The following USP54 variants were observed in gnomAD, a reference collection of about 807,000 sequenced individuals.
USP54 encodes the protein ubiquitin specific peptidase 54.
In USP54, 87 loss-of-function variants were observed where a neutral mutation model predicts 170.5. That is an observed-to-expected ratio of 0.51 (90% confidence interval 0.43 to 0.61). USP54 has a LOEUF of 0.61. Ranked by LOEUF, USP54 falls within the 20% of genes least tolerant of loss-of-function variation. The probability of loss-of-function intolerance (pLI) is 0.00; values close to 1 mark genes in which losing one functional copy is unlikely to be tolerated. For synonymous variants in USP54, 655 were observed against 742.8 expected, an observed-to-expected ratio of 0.88 and a Z score of 1.92; for missense variants, 1,786 against 2,047.8, an observed-to-expected ratio of 0.87 and a Z score of 2.47.
At chr10:73,611,060 A>G (rs2080101100) in intron 1 of USP54, among the ~76,000 whole-genome samples, 1 of 152,224 alleles carries the variant, frequency 6.6e-6, no homozygotes, top group African/African-American at 2.4e-5. Flanking sequence ...GAAAAGCAAC[A>G]GTGAGTTTTT....
chr10:73,601,131 A>G (rs1298308164), intron 1 of USP54, among the ~76,000 whole-genome samples: 1 of 152,216 alleles, frequency 6.6e-6, no homozygotes, highest in Non-Finnish European at 1.5e-5. Flanking sequence ...GTTTGGGTAA[A>G]TTAAAACAAA....
At chr10:73,617,954 T>C (rs1357188218) in intron 1 of USP54, among the ~76,000 whole-genome samples, 1 of 150,222 alleles carries the variant, frequency 6.7e-6, no homozygotes, top group Non-Finnish European at 1.5e-5. Flanking sequence ...TTCACACCTG[T>C]AATCTCAGCA....
upstream of USP54, among the ~76,000 whole-genome samples, chr10:73,592,413 A>T (rs1321552548): frequency 6.6e-6 from 1 of 151,128 alleles, no homozygotes. Context: ...AAGCTCTTAC[A>T]TTTTAACAAT....
intron 1 of USP54, among the ~76,000 whole-genome samples, chr10:73,581,620 C>A (rs1399426811): frequency 6.6e-6 from 1 of 152,178 alleles, no homozygotes; most frequent in East Asian, 1.9e-4. Context: ...GCCCCATCCA[C>A]ATTACATAAA....
At chr10:73,508,473 T>C (rs1360038123) in intron 20 of USP54, among the ~76,000 whole-genome samples, 3 of 151,358 alleles carry the variant, frequency 2.0e-5, no homozygotes, top group Middle Eastern at 3.2e-3. Flanking sequence ...CTAGATTCAA[T>C]AGAAGAAAGG....
intron 4 of USP54, among the ~76,000 whole-genome samples, chr10:73,546,337 GT>G (rs1362432298): frequency 6.6e-6 from 1 of 151,914 alleles, no homozygotes; most frequent in Non-Finnish European, 1.5e-5. Context: ...TGGGTTTTTT[GT>G]TTTTTTGTGT....
chr10:73,571,593 A>C (rs1253176368), intron 3 of USP54, 80 bp from the exon 4 acceptor site: 5 of 1,069,866 alleles, frequency 4.7e-6, no homozygotes, highest in Non-Finnish European at 5.6e-6. Flanking sequence ...AAACAAACAT[A>C]GGTAATGACT....
At position 73,529,737 on chromosome 10, in the gene USP54, T is replaced by C; in HGVS notation, c.2003A>G (p.Asn668Ser). ...ATCCAGGCTGACAGGGCTGCTGCTG[T>C]TCCTCTCACTGCTTTCATAGCCAGA... ...MESGYESSER[N>S]SSSPVSLDAA... Residue 668 changes from asparagine to serine, a missense_variant, in exon 15 of 24, where the codon AAC (asparagine) becomes AGC (serine). Asn to Ser is a conservative substitution (Grantham distance 46). Around this residue, in one of 3 missense-constraint regions of USP54, gnomAD observed 1,418 missense variants for 1,569.0 expected, o/e 0.90. Transcript: ENST00000687698. 6.2e-7 allele frequency: 1 copy of C among 1,613,978 alleles called. No individual in the cohort carries two copies. Among genetic ancestry groups the C allele is most frequent in the Non-Finnish European group, 8.5e-7 (1 of 1,179,844 alleles).
intron 23 of USP54, 30 bp downstream of exon 23, chr10:73,500,625 G>A (rs1271817376): frequency 1.3e-6 from 2 of 1,561,562 alleles, no homozygotes; most frequent in East Asian, 2.4e-5. Context: ...ACCAAATTCT[G>A]GCATATAATA....
upstream of USP54, among the ~76,000 whole-genome samples, chr10:73,592,690 C>T (rs937707279): frequency 2.6e-5 from 4 of 152,140 alleles, no homozygotes; most frequent in Non-Finnish European, 4.4e-5. Flanking sequence ...GGTATATATT[C>T]ATTGTGAAAC....
chr10:73,588,269 G>C (rs1173159359), intron 1 of USP54, among the ~76,000 whole-genome samples: 7 of 152,134 alleles, frequency 4.6e-5, no homozygotes, highest in Admixed American at 3.9e-4. Flanking sequence ...ACCCAGGCTG[G>C]AGTACAGTGG....
At chr10:73,573,455 G>A (rs568603083) in intron 3 of USP54, among the ~76,000 whole-genome samples, 69 of 151,842 alleles carry the variant, frequency 4.5e-4, no homozygotes, top group African/African-American at 1.5e-3. Context: ...TATTGTTTTC[G>A]AATAAAAACT....
intron 4 of USP54, among the ~76,000 whole-genome samples, chr10:73,545,969 A>G (rs1219294243): frequency 6.6e-6 from 1 of 152,208 alleles, no homozygotes; most frequent in Non-Finnish European, 1.5e-5. Flanking sequence ...TCTTCCTCTA[A>G]TACAGACAGA....
intron 1 of USP54, among the ~76,000 whole-genome samples, chr10:73,600,851 T>C (rs1248138813): frequency 6.6e-6 from 1 of 151,906 alleles, no homozygotes; most frequent in Non-Finnish European, 1.5e-5. Context: ...GGGGCGGAGG[T>C]TGCAGTGAGC....
chr10:73,521,371 A>T (rs550244376), intron 17 of USP54, among the ~76,000 whole-genome samples: 6 of 152,356 alleles, frequency 3.9e-5, no homozygotes, highest in African/African-American at 1.4e-4. Flanking sequence ...TCAAGGAAAG[A>T]ACAAAGTAAT....
At chr10:73,592,114 C>T (rs2078306628), upstream of USP54, among the ~76,000 whole-genome samples, 1 of 151,994 alleles carries the variant, frequency 6.6e-6, no homozygotes, top group South Asian at 2.1e-4. Context: ...CACCCCCAAA[C>T]ATGTGATCAG....
chr10:73,507,520 A>G (rs551757480), intron 20 of USP54, among the ~76,000 whole-genome samples: 5 of 151,992 alleles, frequency 3.3e-5, no homozygotes, highest in Non-Finnish European at 7.4e-5. Context: ...CTAAAAATAC[A>G]AAAATTAGCC....
intron 4 of USP54, among the ~76,000 whole-genome samples, chr10:73,563,858 G>A (rs1182651557): frequency 1.3e-5 from 2 of 151,986 alleles, no homozygotes; most frequent in Non-Finnish European, 2.9e-5. Context: ...ATTCTTTATG[G>A]AGTCTTTAGA....
At chr10:73,580,825 C>T (rs577222589) in intron 1 of USP54, among the ~76,000 whole-genome samples, 2 of 152,040 alleles carry the variant, frequency 1.3e-5, no homozygotes, top group Non-Finnish European at 2.9e-5. Context: ...GTGATCCTCC[C>T]GCCTCAGCCT....
Sources: gnomAD v4.1 joint callset for allele counts (sites outside exome capture counted in the v4.1 genomes callset) on GRCh38, gnomAD v4.1.1 for gene constraint, gnomAD v4.1.1 regional missense constraint, MANE v1.5 for transcripts, NCBI Gene and HGNC (gene_info 2026-07-23, HGNC 2026-07-21) for gene names.